MYT1L: variants seen among roughly 807,000 people sequenced by gnomAD.
MYT1L encodes myelin transcription factor 1 like, also known as myelin transcription factor 1-like protein.
Under a neutral mutation model 126.7 loss-of-function variants are expected in MYT1L, and 12 were observed. That is an observed-to-expected ratio of 0.09 (90% CI 0.06 to 0.15). The LOEUF is 0.15. MYT1L is among the 10% of genes least tolerant of loss of function. The pLI is 1.00. For synonymous variants in MYT1L, 541 were observed against 604.2 expected (o/e 0.90, Z 1.53); for missense variants, 979 against 1,585.2 (o/e 0.62, Z 6.49).
intron 22 of MYT1L, among the ~76,000 whole-genome samples, chr2:1,805,997 TCCCCTG>T (rs1218114661): frequency 7.4e-4 from 103 of 139,642 alleles, no homozygotes; most frequent in African/African-American, 2.3e-3. Flanking sequence ...TGTGCCTCTG[TCCCCTG>T]AAGAGCATCA....
intron 3 of MYT1L, among the ~76,000 whole-genome samples, chr2:2,156,696 C>A (rs2086783486): frequency 6.6e-6 from 1 of 152,112 alleles, no homozygotes; most frequent in South Asian, 2.1e-4. Flanking sequence ...AAGGAGGTAG[C>A]ACTCTCTGCT....
At chr2:1,915,596 C>T (rs2052709549) in intron 11 of MYT1L, among the ~76,000 whole-genome samples, 1 of 152,206 alleles carries the variant, frequency 6.6e-6, no homozygotes, top group African/African-American at 2.4e-5. Flanking sequence ...CTTGGTCCTC[C>T]TGCCTCACTT....
At chr2:2,170,391 T>G (rs1401519822) in intron 3 of MYT1L, among the ~76,000 whole-genome samples, 2 of 152,190 alleles carry the variant, frequency 1.3e-5, no homozygotes, top group East Asian at 3.9e-4. Flanking sequence ...AAAGTTTTAT[T>G]GTCAGGTGGC....
In MYT1L at chr2:2,182,586, G is replaced by A. The variant is rs2091653721; in HGVS notation, c.-420-9598C>T. ...AGTAGCAATTGCCTGGATTTGGATG[G>A]AGGATTTAGGGAGGGCTGGAGGCTT... is the stretch of plus-strand genomic sequence containing the variant. On this transcript the variant is annotated intron_variant, in intron 2 of 24. Coordinates refer to ENST00000647738, the MANE Select transcript of MYT1L (RefSeq NM_001303052.2). Among the ~76,000 whole-genome samples the A allele has an allele frequency of 2.0e-5, 3 of 152,188 alleles. No individual in the cohort carries two copies. The South Asian group carries it at 6.2e-4, about 32-fold the overall frequency.
chr2:2,306,095 C>T (rs2095854049), intron 1 of MYT1L: 1 of 152,254 alleles, frequency 6.6e-6, no homozygotes, highest in South Asian at 2.1e-4. Context: ...TGCCATGAAC[C>T]CGAGTGTGAA....
At chr2:1,829,121 C>A (rs2039766002) in intron 21 of MYT1L, among the ~76,000 whole-genome samples, 1 of 152,128 alleles carries the variant, frequency 6.6e-6, no homozygotes, top group Non-Finnish European at 1.5e-5. Context: ...TGGTGAGGAT[C>A]TCCCATGAAG....
At chr2:1,921,417 A>G (rs1330087003) in intron 10 of MYT1L, among the ~76,000 whole-genome samples, 1 of 152,202 alleles carries the variant, frequency 6.6e-6, no homozygotes, top group Admixed American at 6.5e-5. Flanking sequence ...GGAGATACAT[A>G]TACACATGAT....
At chr2:2,137,194 A>G in intron 3 of MYT1L, among the ~76,000 whole-genome samples, 1 of 152,244 alleles carries the variant, frequency 6.6e-6, no homozygotes, top group East Asian at 1.9e-4. Flanking sequence ...AGAAGAGGAT[A>G]CAAACAAATG....
At chr2:1,937,943 T>G (rs1318184364) in intron 9 of MYT1L, among the ~76,000 whole-genome samples, 1 of 152,208 alleles carries the variant, frequency 6.6e-6, no homozygotes, top group Non-Finnish European at 1.5e-5. Flanking sequence ...GGAAGACACC[T>G]GCGTGTCACC....
intron 2 of MYT1L, among the ~76,000 whole-genome samples, chr2:2,222,247 C>A (rs1471063463): frequency 1.3e-5 from 2 of 152,158 alleles, no homozygotes; most frequent in Non-Finnish European, 2.9e-5. Flanking sequence ...TGTAATCCCA[C>A]ACTCTGGAAG....
intron 3 of MYT1L, among the ~76,000 whole-genome samples, chr2:2,087,619 T>C (rs2076486566): frequency 6.6e-6 from 1 of 152,200 alleles, no homozygotes; most frequent in Non-Finnish European, 1.5e-5. Context: ...AAGAGCTTGG[T>C]CCTAAATAAA....
rs527637232 is a variant in MYT1L at position 1,890,941 on chromosome 2, T to G, written c.2283+1096A>C. Among the ~76,000 whole-genome samples the G allele has an allele frequency of 4.6e-5, 7 of 151,846 alleles. No homozygotes were observed. The South Asian group carries it at 1.5e-3, about 32-fold the overall frequency. ...TTTAAGCTTTATAATGTTGGATTTA[T>G]TCTCTCAGTCTTAGTTTAATTTTAA... On this transcript the variant is annotated intron_variant, in intron 15 of 24. Coordinates refer to ENST00000647738, the MANE Select transcript of MYT1L (RefSeq NM_001303052.2).
chr2:2,255,256 G>C (rs1461393187), intron 2 of MYT1L, among the ~76,000 whole-genome samples: 1 of 152,110 alleles, frequency 6.6e-6, no homozygotes, highest in Non-Finnish European at 1.5e-5. Context: ...CCGATTACAG[G>C]GTGATTTCTT....
At chr2:1,819,825 A>G (rs923496369) in intron 21 of MYT1L, among the ~76,000 whole-genome samples, 2 of 152,236 alleles carry the variant, frequency 1.3e-5, no homozygotes, top group South Asian at 4.1e-4. Context: ...GGGTGCAACC[A>G]AGGGGCAGAG....
chr2:1,801,657 C>T lies in MYT1L; in HGVS notation c.3276+39G>A, dbSNP rs187594257. On this transcript the variant is annotated intron_variant, in intron 23 of 24. Transcript: ENST00000647738. This position sits in a 1 kb window ranked among gnomAD's most constrained non-coding sequence, Gnocchi z 4.2. ...GCCATGTATCTCTGGTATAATGGCG[C>T]GTGTTAGAGCTAAAATTGAGGGCTT... is the stretch of plus-strand genomic sequence containing the variant. 230 of 1,255,550 alleles carry T rather than the reference C, an allele frequency of 1.8e-4. No individual in the cohort carries two copies. In the African/African-American group the frequency reaches 2.2e-3, roughly 12 times the overall value. 77.8% of individuals were successfully genotyped at this position (1,255,550 alleles called of 1,614,324 possible).
rs1381799842 is a variant in MYT1L, at chr2:2,117,989, C to CA, written c.-304+54882dup. Among the ~76,000 whole-genome samples, 18 of 151,630 alleles carry CA rather than the reference C, an allele frequency of 1.2e-4. No individual in the cohort carries two copies. In the East Asian group the frequency reaches 2.3e-3, roughly 20 times the overall value. ...GACAAAATATTATATTATATATGTACAAAAACACACATATACTCACATGCC... is the reference window on the plus strand; with the variant it reads ...GACAAAATATTATATTATATATGTACAAAAAACACACATATACTCACATGCC... On this transcript the variant is annotated intron_variant, in intron 3 of 24. Transcript: ENST00000647738.
At chr2:1,944,395 G>A (rs976698184) in intron 8 of MYT1L, among the ~76,000 whole-genome samples, 9 of 152,130 alleles carry the variant, frequency 5.9e-5, no homozygotes, top group Non-Finnish European at 1.2e-4. Context: ...GAGACATAGA[G>A]GCAAACTACC....
At chr2:2,042,055 T>C (rs192637504) in intron 4 of MYT1L, among the ~76,000 whole-genome samples, 42 of 152,276 alleles carry the variant, frequency 2.8e-4, no homozygotes, top group Admixed American at 2.2e-3. Context: ...TTCTTGTAAG[T>C]CTGTTTAAAG....
chr2:2,229,607 G>A, intron 2 of MYT1L, among the ~76,000 whole-genome samples: 1 of 129,028 alleles, frequency 7.8e-6, no homozygotes, highest in African/African-American at 3.4e-5. Flanking sequence ...TTTTTTTTCA[G>A]TTTTTTGCAC....
Sources: allele counts gnomAD v4.1 joint callset (sites outside exome capture counted in the v4.1 genomes callset), GRCh38; gene constraint gnomAD v4.1.1; non-coding constraint Gnocchi (gnomAD v3.1); transcripts MANE v1.5; gene names NCBI Gene and HGNC (gene_info 2026-07-23, HGNC 2026-07-21).